Variants in CSMD1 observed in about 807,000 individuals in gnomAD.
The protein encoded by CSMD1 is CUB and Sushi multiple domains 1.
A neutral mutation model predicts 417.5 loss-of-function variants in CSMD1; 213 were observed. The ratio of observed to expected loss-of-function variants is 0.51; its 90% CI spans 0.46 to 0.57. The LOEUF is 0.57. CSMD1 is among the 20% of genes least tolerant of loss of function. The probability of loss-of-function intolerance (pLI) is 0.00; values close to 1 mark genes in which losing one functional copy is unlikely to be tolerated. For synonymous variants in CSMD1, 2,862 were observed against 1,736.8 expected (o/e 1.65, Z -16.11); for missense variants, 6,923 against 4,529.7 (o/e 1.53, Z -15.17).
At chr8:3,536,153 T>C (rs1253719329) in intron 10 of CSMD1, among the ~76,000 whole-genome samples, 1 of 152,210 alleles carries the variant, frequency 6.6e-6, no homozygotes, top group Non-Finnish European at 1.5e-5. Context: ...TCAACTGTCA[T>C]TACATAGGAG....
At chr8:3,356,921 C>T (rs185037870) in intron 21 of CSMD1, among the ~76,000 whole-genome samples, 2 of 152,148 alleles carry the variant, frequency 1.3e-5, no homozygotes, top group East Asian at 1.9e-4. Flanking sequence ...CTCTGTTACA[C>T]TGGGCAAATC....
chr8:3,981,380 A>T (rs573302277), intron 5 of CSMD1, among the ~76,000 whole-genome samples: 2 of 152,010 alleles, frequency 1.3e-5, no homozygotes, highest in African/African-American at 4.8e-5. Context: ...AAAAGACAAC[A>T]AATATGGTGC....
intron 55 of CSMD1, among the ~76,000 whole-genome samples, chr8:2,975,971 G>C (rs1386842261): frequency 2.0e-5 from 3 of 152,144 alleles, no homozygotes; most frequent in Non-Finnish European, 4.4e-5. Context: ...GAAATGTTCT[G>C]GGACAGACAA....
chr8:4,741,922 T>G (rs1810635818), intron 1 of CSMD1, among the ~76,000 whole-genome samples: 1 of 149,522 alleles, frequency 6.7e-6, no homozygotes, highest in Non-Finnish European at 1.5e-5. Context: ...CAGCTTCGAC[T>G]TCCTGGGCTC....
At chr8:4,066,041 A>G (rs1799228801) in intron 3 of CSMD1, among the ~76,000 whole-genome samples, 1 of 152,206 alleles carries the variant, frequency 6.6e-6, no homozygotes, top group Non-Finnish European at 1.5e-5. Context: ...AGGAGCCCTA[A>G]GAAAGGAATG....
intron 1 of CSMD1, among the ~76,000 whole-genome samples, chr8:4,697,417 T>C (rs890914884): frequency 5.3e-5 from 8 of 152,136 alleles, no homozygotes; most frequent in African/African-American, 1.9e-4. Flanking sequence ...TTAGTGTATT[T>C]GGGCATGCTC....
chr8:3,453,789 T>C (rs967312048), intron 12 of CSMD1, among the ~76,000 whole-genome samples: 1 of 152,210 alleles, frequency 6.6e-6, no homozygotes, highest in South Asian at 2.1e-4. Flanking sequence ...ATATATTCTA[T>C]TGATTTGGGG....
chr8:3,772,205 C>CATATAAT (rs1798614274), intron 5 of CSMD1, among the ~76,000 whole-genome samples: 1 of 142,342 alleles, frequency 7.0e-6, no homozygotes, highest in African/African-American at 2.6e-5. Context: ...CACACACACA[C>CATATAAT]ACACACACAC....
At chr8:3,218,796 C>T (rs556195143) in intron 29 of CSMD1, among the ~76,000 whole-genome samples, 4 of 151,940 alleles carry the variant, frequency 2.6e-5, no homozygotes, top group Middle Eastern at 3.4e-3. Context: ...CATTTGAACC[C>T]GGGAGGCGGA....
chr8:3,835,875 G>GT (rs1802663088), intron 5 of CSMD1, among the ~76,000 whole-genome samples: 2 of 151,870 alleles, frequency 1.3e-5, no homozygotes, highest in Admixed American at 6.6e-5. Flanking sequence ...TGTACCATTC[G>GT]TTTTTTCCAT....
At chr8:3,167,442 C>G (rs562558949) in intron 37 of CSMD1, among the ~76,000 whole-genome samples, 1 of 152,216 alleles carries the variant, frequency 6.6e-6, no homozygotes, top group African/African-American at 2.4e-5. Flanking sequence ...AAAGGTAATT[C>G]TTGTGCAATC....
At chr8:3,838,275 C>A (rs927274739) in intron 5 of CSMD1, among the ~76,000 whole-genome samples, 1 of 151,980 alleles carries the variant, frequency 6.6e-6, no homozygotes, top group Non-Finnish European at 1.5e-5. Flanking sequence ...ATGGCTCACA[C>A]CTGTAACCCC....
intron 1 of CSMD1, among the ~76,000 whole-genome samples, chr8:4,653,241 G>C (rs1054122601): frequency 1.3e-5 from 2 of 152,040 alleles, no homozygotes; most frequent in African/African-American, 2.4e-5. Flanking sequence ...TATACAAATC[G>C]GGCTCCTATA....
chr8:3,292,582 T>C (rs924428272), intron 25 of CSMD1, among the ~76,000 whole-genome samples: 12 of 152,226 alleles, frequency 7.9e-5, no homozygotes, highest in African/African-American at 2.9e-4. Flanking sequence ...CATTATGTAA[T>C]GGCCTTCTTT....
intron 12 of CSMD1, among the ~76,000 whole-genome samples, chr8:3,409,926 A>G (rs1334499056): frequency 6.6e-6 from 1 of 152,236 alleles, no homozygotes; most frequent in African/African-American, 2.4e-5. Context: ...TGCAATTGCT[A>G]CTACTAAAAT....
At chr8:3,388,355 C>G (rs1386904698) in intron 17 of CSMD1, among the ~76,000 whole-genome samples, 1 of 151,842 alleles carries the variant, frequency 6.6e-6, no homozygotes, top group African/African-American at 2.4e-5. Context: ...TCACATTTCT[C>G]ATTTCTCTTT....
chr8:4,384,151 T>C (rs1021273746), intron 3 of CSMD1, among the ~76,000 whole-genome samples: 6 of 152,148 alleles, frequency 3.9e-5, no homozygotes, highest in African/African-American at 1.2e-4. Context: ...CCTCCTCCCT[T>C]GGGAATGCCA....
chr8:4,724,401 A>G (rs887401371), intron 1 of CSMD1, among the ~76,000 whole-genome samples: 40 of 152,094 alleles, frequency 2.6e-4, no homozygotes, highest in African/African-American at 9.2e-4. Flanking sequence ...GTGGCATACC[A>G]TAAAGTAAAA....
At chr8:3,154,126 C>G (rs542011941) in intron 39 of CSMD1, among the ~76,000 whole-genome samples, 1 of 152,208 alleles carries the variant, frequency 6.6e-6, no homozygotes, top group African/African-American at 2.4e-5. Context: ...ACAACTGCGA[C>G]TACGCCTGGC....
Sources: gnomAD v4.1 joint callset for allele counts (sites outside exome capture counted in the v4.1 genomes callset) on GRCh38, gnomAD v4.1.1 for gene constraint, MANE v1.5 for transcripts, NCBI Gene and HGNC (gene_info 2026-07-23, HGNC 2026-07-21) for gene names.